The following KAZN variants were observed in gnomAD, a reference collection of about 807,000 sequenced individuals.
KAZN encodes kazrin, periplakin interacting protein.
KAZN carries 40 observed loss-of-function variants against 87.4 expected under a neutral mutation model. The observed-to-expected ratio is 0.46, with a 90% CI of 0.36 to 0.60. KAZN has a LOEUF of 0.60. KAZN is among the 20% of genes least tolerant of loss of function. The probability of loss-of-function intolerance (pLI) is 0.00; values close to 1 mark genes in which losing one functional copy is unlikely to be tolerated. For synonymous variants in KAZN, 466 were observed against 458.3 expected, an observed-to-expected ratio of 1.02 and a Z score of -0.22; for missense variants, 898 against 1,073.9, an observed-to-expected ratio of 0.84 and a Z score of 2.29.
intron 1 of KAZN, among the ~76,000 whole-genome samples, chr1:13,968,419 C>A (rs532227935): frequency 1.5e-4 from 23 of 152,292 alleles, no homozygotes; most frequent in African/African-American, 5.3e-4. Flanking sequence ...GGGCTTGAAG[C>A]CATTGGCAGC....
intron 2 of KAZN, among the ~76,000 whole-genome samples, chr1:14,583,527 G>A (rs553588696): frequency 1.2e-4 from 18 of 152,328 alleles, no homozygotes; most frequent in African/African-American, 4.3e-4. Flanking sequence ...TCCAGAGCTG[G>A]CCTTTCAGAG....
chr1:15,088,901 T>C (rs961654422), intron 8 of KAZN, among the ~76,000 whole-genome samples: 6 of 152,036 alleles, frequency 3.9e-5, no homozygotes, highest in Non-Finnish European at 7.4e-5. Flanking sequence ...CCATAAATAA[T>C]GCGAGCTGTA....
rs561066643 is a variant in KAZN, at chr1:14,362,197, C to T, written c.249+181605C>T. Among the ~76,000 whole-genome samples the T allele has an allele frequency of 4.6e-5, 7 of 152,316 alleles. No homozygotes were observed. In the South Asian group the frequency reaches 1.2e-3, roughly 27 times the overall value. On this transcript the variant is annotated intron_variant, in intron 2 of 16. Coordinates refer to the KAZN transcript ENST00000636203. Reference sequence around the variant, plus strand: ...AAGATGTCAACTTGGGCTGGGGTCTCATCTGAAGGCTTGATTGGGAAAGGA... The same window carrying T: ...AAGATGTCAACTTGGGCTGGGGTCTTATCTGAAGGCTTGATTGGGAAAGGA...
At position 14,138,407 on chromosome 1, in the gene KAZN, A is replaced by G. The variant is rs376522782; in HGVS notation, c.92-42028A>G. Among the ~76,000 whole-genome samples the G allele has an allele frequency of 1.5e-3, 226 of 152,258 alleles. 1 individual carries two copies. Among genetic ancestry groups the G allele is most frequent in the African/African-American group, 5.2e-3 (218 of 41,544 alleles). On this transcript the variant is annotated intron_variant, in intron 1 of 16. Coordinates refer to the KAZN transcript ENST00000636203. ...CCTGTTCCTTCTATGGTTCACTCTT[A>G]GAAGTTAAGAAAGTTCCCTGGAAGT...
chr1:14,543,047 A>G (rs899653176), intron 2 of KAZN, among the ~76,000 whole-genome samples: 2 of 152,202 alleles, frequency 1.3e-5, no homozygotes, highest in Admixed American at 6.5e-5. Context: ...TGGCTGGCCA[A>G]TAGCAGGATG....
intron 2 of KAZN, among the ~76,000 whole-genome samples, chr1:14,299,386 G>A (rs965928564): frequency 4.6e-5 from 7 of 151,936 alleles, no homozygotes; most frequent in Middle Eastern, 3.4e-3. Context: ...ACCTGTAATC[G>A]CATCTACCTG....
chr1:14,289,984 T>G (rs541280400), intron 2 of KAZN, among the ~76,000 whole-genome samples: 1 of 152,350 alleles, frequency 6.6e-6, no homozygotes, highest in Non-Finnish European at 1.5e-5. Context: ...TTCTTTTCTT[T>G]AAGAATGTTG....
At chr1:14,092,999 TG>T (rs1211378166) in intron 1 of KAZN, among the ~76,000 whole-genome samples, 1 of 152,214 alleles carries the variant, frequency 6.6e-6, no homozygotes, top group Non-Finnish European at 1.5e-5. Flanking sequence ...AGCCTTCCCC[TG>T]TGGTGCCTTT....
chr1:14,389,311 A>G (rs1662219779), intron 2 of KAZN, among the ~76,000 whole-genome samples: 2 of 152,222 alleles, frequency 1.3e-5, no homozygotes, highest in African/African-American at 4.8e-5. Flanking sequence ...CAAAAAAACT[A>G]AAAATAGAGC....
intron 2 of KAZN, among the ~76,000 whole-genome samples, chr1:14,196,568 G>A (rs1468175129): frequency 2.0e-5 from 3 of 152,068 alleles, no homozygotes; most frequent in Non-Finnish European, 1.5e-5. Context: ...TGGAAGAATC[G>A]AGAAGGCTGG....
intron 2 of KAZN, among the ~76,000 whole-genome samples, chr1:14,472,097 A>G (rs781137447): frequency 3.9e-5 from 6 of 152,188 alleles, no homozygotes; most frequent in Non-Finnish European, 7.4e-5. Flanking sequence ...CTCACATGGC[A>G]GAAGGGTGAA....
intron 2 of KAZN, among the ~76,000 whole-genome samples, chr1:14,465,417 A>AAAT (rs61362350): frequency 6.6e-6 from 1 of 150,580 alleles, no homozygotes; most frequent in African/African-American, 2.4e-5. Context: ...AAAAAAAAAA[A>AAAT]GCTTCACCCA....
intron 2 of KAZN, among the ~76,000 whole-genome samples, chr1:14,339,696 A>G (rs1435467473): frequency 6.6e-6 from 1 of 152,160 alleles, no homozygotes; most frequent in African/African-American, 2.4e-5. Context: ...CACATTAAGG[A>G]GGGCAATCTG....
intron 13 of KAZN, among the ~76,000 whole-genome samples, chr1:15,105,503 G>A (rs1641263539): frequency 6.6e-6 from 1 of 151,556 alleles, no homozygotes; most frequent in African/African-American, 2.4e-5. Flanking sequence ...AAAGTTGGTA[G>A]TCATATTCTC....
At chr1:14,716,383 T>C (rs1572298385) in intron 1 of KAZN, among the ~76,000 whole-genome samples, 2 of 152,230 alleles carry the variant, frequency 1.3e-5, no homozygotes, top group East Asian at 3.8e-4. Context: ...TCTTCAGCTC[T>C]TTCCTCTCCC....
chr1:14,957,695 C>T (rs1358375751), intron 1 of KAZN, among the ~76,000 whole-genome samples: 1 of 152,180 alleles, frequency 6.6e-6, no homozygotes, highest in East Asian at 1.9e-4. Flanking sequence ...AGACGAGCTC[C>T]CAGGCAGGTC....
In KAZN at chr1:14,859,963, G is replaced by A. The variant is rs76189254; in HGVS notation, c.227-100721G>A. 3.1e-3 allele frequency among the ~76,000 whole-genome samples: 466 copies of A among 152,204 alleles called. 12 individuals carry two copies. In the East Asian group the frequency reaches 0.057, roughly 19 times the overall value. On this transcript the variant is annotated intron_variant, in intron 1 of 14. Coordinates refer to ENST00000376030, the MANE Select transcript of KAZN (RefSeq NM_201628.3). ...CACAGAATTTCTCCCAGACAGGGCT[G>A]CTGCTGCTTGAGGTTACATGAAGAA...
intron 1 of KAZN, among the ~76,000 whole-genome samples, chr1:14,121,126 A>G (rs898131706): frequency 2.0e-5 from 3 of 152,186 alleles, no homozygotes; most frequent in African/African-American, 4.8e-5. Flanking sequence ...AGCTGTGCGT[A>G]CCATGGATAT....
Position 15,109,491 on chromosome 1 carries a change from A to C in KAZN, c.2049-2936A>C, listed in dbSNP as rs561893483. On this transcript the variant is annotated intron_variant, in intron 13 of 14. Transcript: ENST00000376030. Reference sequence around the variant, plus strand: ...AGGGAATAGCTGAGCAGGAACTCCAACCACGTCTGTGTCCCCAAAGCCTTT... The same window carrying C: ...AGGGAATAGCTGAGCAGGAACTCCACCCACGTCTGTGTCCCCAAAGCCTTT... 8.5e-4 allele frequency among the ~76,000 whole-genome samples: 129 copies of C among 152,314 alleles called. 1 individual carries two copies. In the Middle Eastern group the frequency reaches 0.01, roughly 12 times the overall value.
Sources: allele counts gnomAD v4.1 joint callset (sites outside exome capture counted in the v4.1 genomes callset), GRCh38; gene constraint gnomAD v4.1.1; transcripts MANE v1.5; gene names NCBI Gene and HGNC (gene_info 2026-07-23, HGNC 2026-07-21).